DRAXIN: variants seen among roughly 807,000 people sequenced by gnomAD.
The protein encoded by DRAXIN is dorsal inhibitory axon guidance protein, also known as dorsal repulsive axon guidance protein.
Under a neutral mutation model 33.9 loss-of-function variants are expected in DRAXIN, and 27 were observed. The observed-to-expected ratio is 0.80, with a 90% CI of 0.59 to 1.10. DRAXIN has a LOEUF of 1.10. DRAXIN is among the 50% of genes least tolerant of loss of function. The pLI is 0.00. For synonymous variants in DRAXIN, 178 were observed against 194.0 expected, an observed-to-expected ratio of 0.92 and a Z score of 0.69; for missense variants, 371 against 460.8, an observed-to-expected ratio of 0.81 and a Z score of 1.78.
intron 1 of DRAXIN, among the ~76,000 whole-genome samples, chr1:11,698,065 C>A (rs1464630284): frequency 1.3e-5 from 2 of 152,102 alleles, no homozygotes; most frequent in Admixed American, 1.3e-4. Flanking sequence ...CACCACCCAC[C>A]CACACACAAA....
rs914794538 is a variant in DRAXIN at position 11,725,136 on chromosome 1, G to A, written c.*5440G>A. The A allele has an allele frequency of 3.9e-5, 6 of 152,054 alleles. No homozygotes were observed. The highest frequency in any genetic ancestry group is 2.6e-4 in the Admixed American group (4 of 15,242). The allele number at this position is 152,054 out of a possible 1,614,324, so 9.4% of individuals were successfully genotyped here. On this transcript the variant is annotated 3_prime_UTR_variant, in exon 7 of 7. Transcript: ENST00000294485. ...CAGAATCTTAGCCTAGGCAACATAG[G>A]GAGACCTCATCTCTGCAAAAAATAA...
At chr1:11,688,563 A>G (rs1641003326), upstream of DRAXIN, among the ~76,000 whole-genome samples, 2 of 150,910 alleles carry the variant, frequency 1.3e-5, no homozygotes, top group African/African-American at 2.4e-5. This position sits in a 1 kb window ranked among gnomAD's most constrained non-coding sequence, Gnocchi z 4.6. Context: ...TGCATCTCAA[A>G]AAAAAAAAAG....
chr1:11,700,566 A>T (rs1033886999), intron 1 of DRAXIN, among the ~76,000 whole-genome samples: 15 of 152,382 alleles, frequency 9.8e-5, no homozygotes, highest in Admixed American at 7.8e-4. Context: ...AAATAATTTT[A>T]AAAATATATT....
At chr1:11,698,143 C>T (rs907364760) in intron 1 of DRAXIN, among the ~76,000 whole-genome samples, 9 of 152,120 alleles carry the variant, frequency 5.9e-5, no homozygotes, top group Non-Finnish European at 1.3e-4. Flanking sequence ...ATTTCACAGA[C>T]AAGGGAATAG....
intron 6 of DRAXIN, among the ~76,000 whole-genome samples, chr1:11,717,406 G>A (rs1024490389): frequency 1.6e-4 from 25 of 151,690 alleles, no homozygotes; most frequent in Admixed American, 3.9e-4. Context: ...GTTCATGCCT[G>A]TAATCTCAGC....
chr1:11,719,698 G>T lies in DRAXIN; in HGVS notation c.*2G>T. 2 of 1,613,268 alleles carry T rather than the reference G, an allele frequency of 1.2e-6. No homozygotes were observed. The highest frequency in any genetic ancestry group is 1.7e-4 in the Middle Eastern group (1 of 6,054). ...CAGGGATCCTTCATCAACGTCTAGC[G>T]GCCCCGCGGGACTGGGGACTGAGCC... On this transcript the variant is annotated 3_prime_UTR_variant, in exon 7 of 7. Coordinates refer to ENST00000294485, the MANE Select transcript of DRAXIN (RefSeq NM_198545.4).
chr1:11,716,640 C>A (rs1641581854), intron 6 of DRAXIN, among the ~76,000 whole-genome samples: 1 of 152,132 alleles, frequency 6.6e-6, no homozygotes, highest in Non-Finnish European at 1.5e-5. Flanking sequence ...ACATCTTTTT[C>A]TTCCCAATTT....
At chr1:11,688,805 G>A (rs750774538), upstream of DRAXIN, among the ~76,000 whole-genome samples, 1 of 152,154 alleles carries the variant, frequency 6.6e-6, no homozygotes, top group South Asian at 2.1e-4. This position sits in a 1 kb window ranked among gnomAD's most constrained non-coding sequence, Gnocchi z 4.6. Context: ...TATGAGACAG[G>A]AGATCAGCAC....
At chr1:11,699,649 C>G (rs1309563054) in intron 1 of DRAXIN, among the ~76,000 whole-genome samples, 2 of 152,138 alleles carry the variant, frequency 1.3e-5, no homozygotes, top group Non-Finnish European at 2.9e-5. Context: ...TGGCTCAAGC[C>G]AGGCATGGTG....
chr1:11,697,225 T>C (rs2100730416), intron 1 of DRAXIN, among the ~76,000 whole-genome samples: 1 of 152,262 alleles, frequency 6.6e-6, no homozygotes, highest in South Asian at 2.1e-4. Flanking sequence ...ATCTGTGAGC[T>C]GGAATCGGTA....
intron 2 of DRAXIN, among the ~76,000 whole-genome samples, chr1:11,708,980 A>G (rs2100738874): frequency 6.6e-6 from 1 of 152,300 alleles, no homozygotes. Context: ...TTATACTTAC[A>G]TATCTGGCTG....
chr1:11,711,580 C>T (rs1041984974), intron 3 of DRAXIN, among the ~76,000 whole-genome samples: 1 of 152,252 alleles, frequency 6.6e-6, no homozygotes, highest in African/African-American at 2.4e-5. Flanking sequence ...GTCTCTGCCC[C>T]TCCTCAGAGG....
At chr1:11,709,537 C>T in intron 3 of DRAXIN, 72 bp downstream of exon 3, 1 of 1,485,936 alleles carries the variant, frequency 6.7e-7, no homozygotes, top group East Asian at 2.5e-5. Flanking sequence ...CCTCTTAATA[C>T]ATGTAGGGAG....
Position 11,696,834 on chromosome 1 carries a change from C to T in DRAXIN, c.-11+4981C>T, listed in dbSNP as rs141158337. ...CCAAGATCGCGCCACTGCACTCCAG[C>T]CTGGTGACAGAGCAAGACTCTGTCT... On this transcript the variant is annotated intron_variant, in intron 1 of 6. Transcript: ENST00000294485. This position sits in a 1 kb window ranked among gnomAD's most constrained non-coding sequence, Gnocchi z 4.7. Among the ~76,000 whole-genome samples the T allele has an allele frequency of 5.1e-4, 77 of 152,024 alleles. 1 individual carries two copies. The East Asian group carries it at 0.014, about 27-fold the overall frequency.
chr1:11,718,995 G>T (rs1464532253), intron 6 of DRAXIN, among the ~76,000 whole-genome samples: 1 of 152,014 alleles, frequency 6.6e-6, no homozygotes, highest in African/African-American at 2.4e-5. Flanking sequence ...CCACCTCCCG[G>T]GTTCATGTGA....
At chr1:11,711,775 C>T in intron 3 of DRAXIN, 76 bp from the exon 4 acceptor site, 1 of 1,399,512 alleles carries the variant, frequency 7.1e-7, no homozygotes, top group Admixed American at 2.0e-5. Context: ...CTTTTTTGTC[C>T]TCTGACCTTG....
In DRAXIN at chr1:11,712,264, C is replaced by G. The variant is rs898200582; in HGVS notation, c.758-76C>G. On this transcript the variant is annotated intron_variant, in intron 4 of 6. Transcript: ENST00000294485. ...GCTGTAGAGTGGTGGTATGGGCACT[C>G]CAACATCTGAGTCCCTGTGCTTAAC... The G allele has an allele frequency of 8.4e-6, 13 of 1,550,666 alleles. No homozygotes were observed. The Middle Eastern group carries it at 6.7e-4, about 80-fold the overall frequency.
intron 6 of DRAXIN, among the ~76,000 whole-genome samples, 153 bp downstream of exon 6, chr1:11,715,361 C>G (rs2100743051): frequency 6.6e-6 from 1 of 152,314 alleles, no homozygotes; most frequent in East Asian, 1.9e-4. Context: ...GGGAGAATCC[C>G]TCGGGAGCCG....
Position 11,706,468 on chromosome 1 carries a change from C to G in DRAXIN, c.210C>G (p.Gly70=). The change falls in exon 2 of 7, where the codon GGC becomes GGG. Residue 70 remains glycine (G), a synonymous_variant. Transcript: ENST00000294485. This position sits in a 1 kb window ranked among gnomAD's most constrained non-coding sequence, Gnocchi z 5.5. ...RGPGKKEWGP[G]LPSQAQDGAV... ...CGGGCAAGAAGGAGTGGGGCCCAGG[C>G]CTGCCCAGCCAGGCCCAGGATGGGG... 1.2e-6 allele frequency: 2 copies of G among 1,610,780 alleles called. No homozygotes were observed. The highest frequency in any genetic ancestry group is 1.7e-6 in the Non-Finnish European group (2 of 1,178,956).
Sources: gnomAD v4.1 joint callset for allele counts (sites outside exome capture counted in the v4.1 genomes callset) on GRCh38, gnomAD v4.1.1 for gene constraint, Gnocchi (gnomAD v3.1) non-coding constraint, MANE v1.5 for transcripts, NCBI Gene and HGNC (gene_info 2026-07-23, HGNC 2026-07-21) for gene names.